SDK1: variants seen among roughly 807,000 people sequenced by gnomAD.
SDK1 encodes the protein sidekick cell adhesion molecule 1.
Under a neutral mutation model 245.5 loss-of-function variants are expected in SDK1, and 157 were observed. That is an observed-to-expected ratio of 0.64 (90% CI 0.56 to 0.73). The LOEUF (loss-of-function observed/expected upper bound fraction) is 0.73, where lower values mean the gene tolerates loss of function less well. Among genes scored for constraint, SDK1 ranks in the 30% least tolerant of loss-of-function variants. The pLI, the probability that SDK1 is intolerant of heterozygous loss-of-function variation, is 0.00. For synonymous variants in SDK1, 1,647 were observed against 1,278.5 expected, an observed-to-expected ratio of 1.29 and a Z score of -6.15; for missense variants, 3,583 against 3,002.3, an observed-to-expected ratio of 1.19 and a Z score of -4.52.
intron 4 of SDK1, among the ~76,000 whole-genome samples, chr7:3,718,061 T>C (rs1785253629): frequency 6.6e-6 from 1 of 152,152 alleles, no homozygotes; most frequent in Admixed American, 6.5e-5. Flanking sequence ...CAGGAAGAAT[T>C]AGACACCGTA....
At chr7:4,072,728 C>T (rs1780334610) in intron 20 of SDK1, among the ~76,000 whole-genome samples, 1 of 152,232 alleles carries the variant, frequency 6.6e-6, no homozygotes, top group Non-Finnish European at 1.5e-5. Flanking sequence ...TTAAAGGCAG[C>T]TGCAGGAGCC....
chr7:3,697,579 C>T (rs560868833), intron 4 of SDK1, among the ~76,000 whole-genome samples: 2 of 152,252 alleles, frequency 1.3e-5, no homozygotes, highest in Non-Finnish European at 2.9e-5. Context: ...CTTCTTACTG[C>T]TTGCCCCACA....
chr7:3,679,113 A>G (rs1334671255), intron 4 of SDK1, among the ~76,000 whole-genome samples: 4 of 152,252 alleles, frequency 2.6e-5, no homozygotes, highest in Admixed American at 6.5e-5. Context: ...AATTTGATCA[A>G]AAGTGAAAAC....
intron 1 of SDK1, among the ~76,000 whole-genome samples, chr7:3,311,826 A>C (rs958328944): frequency 6.6e-6 from 1 of 152,202 alleles, no homozygotes; most frequent in Non-Finnish European, 1.5e-5. Context: ...GGTGCCAGCT[A>C]TGAACAGAAA....
chr7:3,993,061 C>A (rs1016251134), intron 14 of SDK1, among the ~76,000 whole-genome samples: 7 of 152,314 alleles, frequency 4.6e-5, no homozygotes, highest in South Asian at 4.1e-4. Flanking sequence ...CAACTAAAAT[C>A]TTTGATACAT....
chr7:3,982,074 G>A lies in SDK1; in HGVS notation c.1995-5112G>A, dbSNP rs752220207. On this transcript the variant is annotated intron_variant, in intron 13 of 44. Transcript: ENST00000404826. The stretch of plus-strand genomic sequence containing the variant: ...GACTCTCTTGTTAGGGGCTAATGGA[G>A]CTGGTGACTTTAAGTTGAAGCCAAC... Among the ~76,000 whole-genome samples the A allele has an allele frequency of 1.1e-4, 16 of 152,192 alleles. 1 individual carries two copies. Among genetic ancestry groups the A allele is most frequent in the Non-Finnish European group, 1.9e-4 (13 of 68,046 alleles).
intron 1 of SDK1, among the ~76,000 whole-genome samples, chr7:3,564,987 G>T (rs1319047092): frequency 6.6e-6 from 1 of 151,986 alleles, no homozygotes; most frequent in African/African-American, 2.4e-5. Flanking sequence ...TATAATATAG[G>T]GGATCAGGTA....
intron 5 of SDK1, among the ~76,000 whole-genome samples, chr7:3,918,307 T>C (rs1036540285): frequency 3.3e-5 from 5 of 152,184 alleles, no homozygotes; most frequent in African/African-American, 9.7e-5. Context: ...AAGCAAAGCC[T>C]CATGTGTATT....
At chr7:3,516,881 GA>G (rs34164934) in intron 1 of SDK1, among the ~76,000 whole-genome samples, 1 of 152,128 alleles carries the variant, frequency 6.6e-6, no homozygotes, top group Non-Finnish European at 1.5e-5. Context: ...TTGGGGACAT[GA>G]AAAAGTGCTC....
intron 4 of SDK1, among the ~76,000 whole-genome samples, chr7:3,647,687 C>A (rs1257218381): frequency 2.6e-5 from 4 of 152,128 alleles, no homozygotes; most frequent in Non-Finnish European, 5.9e-5. Flanking sequence ...GCCTCTGCCT[C>A]CCAAAGTGCT....
chr7:4,077,849 G>C (rs1228238559), intron 21 of SDK1, among the ~76,000 whole-genome samples: 2 of 152,192 alleles, frequency 1.3e-5, no homozygotes, highest in Non-Finnish European at 2.9e-5. Context: ...TACAATTCAA[G>C]ATGAGATTTG....
chr7:3,853,256 C>T lies in SDK1; in HGVS notation c.847+31673C>T, dbSNP rs114593202. Among the ~76,000 whole-genome samples, 732 of 152,202 alleles carry T rather than the reference C, an allele frequency of 4.8e-3. 6 individuals carry two copies. The highest frequency in any genetic ancestry group is 0.016 in the African/African-American group (683 of 41,532). On this transcript the variant is annotated intron_variant, in intron 5 of 44. Coordinates refer to ENST00000404826, the MANE Select transcript of SDK1 (RefSeq NM_152744.4). ...ACCTATTGCTCAGCCTCGACTTGGA[C>T]ATGGTTTGTAGTCCTAAGTGGATTC...
intron 4 of SDK1, among the ~76,000 whole-genome samples, chr7:3,717,130 G>A (rs1203619127): frequency 6.6e-6 from 1 of 152,156 alleles, no homozygotes; most frequent in East Asian, 1.9e-4. Context: ...ATACAAGTAG[G>A]CTGTGATAGG....
At chr7:3,536,206 G>A (rs1045956782) in intron 1 of SDK1, among the ~76,000 whole-genome samples, 5 of 150,382 alleles carry the variant, frequency 3.3e-5, no homozygotes, top group African/African-American at 1.2e-4. Flanking sequence ...ACAGGCGCCC[G>A]CCACCACACC....
chr7:3,852,038 G>C (rs563407719), intron 5 of SDK1, among the ~76,000 whole-genome samples: 1 of 152,304 alleles, frequency 6.6e-6, no homozygotes, highest in South Asian at 2.1e-4. Flanking sequence ...TGAACAAATA[G>C]AGAAGGAAGG....
chr7:4,138,160 G>A (rs1222737057), intron 28 of SDK1, among the ~76,000 whole-genome samples: 1 of 152,184 alleles, frequency 6.6e-6, no homozygotes, highest in South Asian at 2.1e-4. Context: ...CCAGATTTCT[G>A]CAATTAGCAG....
At position 3,507,752 on chromosome 7, in the gene SDK1, C is replaced by T. The variant is rs528564129; in HGVS notation, c.299-111328C>T. ...GCATGGTCAAATTTTTCCTTCAGTG[C>T]GGGACTCCCTCCAATTAGCATTGGA... On this transcript the variant is annotated intron_variant, in intron 1 of 44. Coordinates refer to ENST00000404826, the MANE Select transcript of SDK1 (RefSeq NM_152744.4). 2.2e-4 allele frequency among the ~76,000 whole-genome samples: 34 copies of T among 152,236 alleles called. No individual in the cohort carries two copies. The South Asian group carries it at 2.3e-3, about 10-fold the overall frequency.
At chr7:3,687,178 T>A (rs1437579491) in intron 4 of SDK1, among the ~76,000 whole-genome samples, 2 of 6,336 alleles carry the variant, frequency 3.2e-4, no homozygotes, top group African/African-American at 6.6e-4. Context: ...ACAAATGTTC[T>A]TTTTTTTTTT....
At chr7:3,966,655 G>C (rs1401635158) in intron 9 of SDK1, among the ~76,000 whole-genome samples, 1 of 152,080 alleles carries the variant, frequency 6.6e-6, no homozygotes, top group Admixed American at 6.6e-5. Flanking sequence ...TCATCTTGTG[G>C]ATGACATTTT....
Sources: gnomAD v4.1 joint callset for allele counts (sites outside exome capture counted in the v4.1 genomes callset) on GRCh38, gnomAD v4.1.1 for gene constraint, MANE v1.5 for transcripts, NCBI Gene and HGNC (gene_info 2026-07-23, HGNC 2026-07-21) for gene names.